PRCD: variants seen among roughly 807,000 people sequenced by gnomAD.
The protein encoded by PRCD is photoreceptor disc component.
In PRCD, 12 loss-of-function variants were observed where a neutral mutation model predicts 10.1. The ratio of observed to expected loss-of-function variants is 1.18; its 90% confidence interval spans 0.76 to 1.92. The LOEUF (loss-of-function observed/expected upper bound fraction) is 1.92, where lower values mean the gene tolerates loss of function less well. Among genes scored for constraint, PRCD ranks in the 40% most tolerant of loss-of-function variants. The pLI is 0.00. For synonymous variants in PRCD, 31 were observed against 26.2 expected (o/e 1.18, Z -0.56); for missense variants, 61 against 72.2 (o/e 0.84, Z 0.56).
Position 76,540,091 on chromosome 17 carries a change from G to A in PRCD, c.-51G>A, listed in dbSNP as rs1344720387. On this transcript the variant is annotated 5_prime_UTR_variant, in exon 1 of 5. Coordinates refer to ENST00000592014, the MANE Select transcript of PRCD (RefSeq NM_001077620.3). This position sits in a 1 kb window ranked among gnomAD's most constrained non-coding sequence, Gnocchi z 5.0. ...CTGGCTGGGGCCATTTTGGCCCCTC[G>A]CCTGTGGCCTTCTGCAGACTTGGCC... 1.9e-5 allele frequency: 29 copies of A among 1,561,048 alleles called. No homozygotes were observed. The highest frequency in any genetic ancestry group is 3.8e-5 in the Admixed American group (2 of 52,884).
Position 76,540,476 on chromosome 17 carries a change from C to T in PRCD, c.75-29C>T, listed in dbSNP as rs769046801. ...AGTGAGGGGCTGGGCACAGCCATAG[C>T]TCTTCCTCCCTACTCTTGCCTCCCA... is the stretch of plus-strand genomic sequence containing the variant. On this transcript the variant is annotated intron_variant, in intron 1 of 4. Transcript: ENST00000592014. This position sits in a 1 kb window ranked among gnomAD's most constrained non-coding sequence, Gnocchi z 5.0. 30 of 1,611,640 alleles carry T rather than the reference C, an allele frequency of 1.9e-5. No individual in the cohort carries two copies. The Admixed American group carries it at 4.8e-4, about 26-fold the overall frequency.
At chr17:76,542,778 T>C (rs2075007288) in intron 3 of PRCD, 145 bp downstream of exon 3, 2 of 672,770 alleles carry the variant, frequency 3.0e-6, no homozygotes, top group Non-Finnish European at 5.4e-6. Context: ...GCGGATGGAC[T>C]CATGCCTTTG....
rs2075025002 is a variant in PRCD, at chr17:76,544,073, T to C, written c.*423T>C. 1 of 454,650 alleles carries C rather than the reference T, an allele frequency of 2.2e-6. No individual in the cohort carries two copies. Among genetic ancestry groups the C allele is most frequent in the Non-Finnish European group, 4.4e-6 (1 of 226,960 alleles). 28.2% of individuals were successfully genotyped at this position (454,650 alleles called of 1,614,324 possible). On this transcript the variant is annotated 3_prime_UTR_variant, in exon 5 of 5. Coordinates refer to ENST00000592014, the MANE Select transcript of PRCD (RefSeq NM_001077620.3). ...CCCAGCTGCTCTGCCATTTCTCTCT[T>C]TTCAATCCTGCATGATCCTGAGCAG...
chr17:76,539,910 GT>G, upstream of PRCD: 1 of 598,108 alleles, frequency 1.7e-6, no homozygotes, highest in South Asian at 2.0e-5. Context: ...CAATGCCACA[GT>G]GCATGCCTTG....
In PRCD at chr17:76,540,431, G is replaced by T. The variant is rs1460032944; in HGVS notation, c.75-74G>T. The T allele has an allele frequency of 1.3e-5, 20 of 1,529,294 alleles. No individual in the cohort carries two copies. The highest frequency in any genetic ancestry group is 1.6e-5 in the Non-Finnish European group (18 of 1,103,746). 94.7% of individuals were successfully genotyped at this position (1,529,294 alleles called of 1,614,324 possible). On this transcript the variant is annotated intron_variant, in intron 1 of 4. Coordinates refer to ENST00000592014, the MANE Select transcript of PRCD (RefSeq NM_001077620.3). This position sits in a 1 kb window ranked among gnomAD's most constrained non-coding sequence, Gnocchi z 5.0. ...GCCTCTACTCCCATAGCCCAATGCG[G>T]CCTGGACCTGTGGAGGGACAGTGAG...
chr17:76,540,257 G>GGGC lies in PRCD; in HGVS notation c.74+44_74+45insCGG. ...GCTATGGCTGGCGGTTGGTCGGGGG[G>GGGC]GGGGGGCATGGGGCTGGGCTGCCAC... On this transcript the variant is annotated intron_variant, in intron 1 of 4. Transcript: ENST00000592014. This position sits in a 1 kb window ranked among gnomAD's most constrained non-coding sequence, Gnocchi z 5.0. The GGGC allele has an allele frequency of 8.6e-7, 1 of 1,159,348 alleles. No individual in the cohort carries two copies. The allele number at this position is 1,159,348 out of a possible 1,614,324, so 71.8% of individuals were successfully genotyped here.
chr17:76,548,138 CACAG>C (rs1159874956), downstream of PRCD, among the ~76,000 whole-genome samples: 9 of 151,966 alleles, frequency 5.9e-5, no homozygotes, highest in East Asian at 3.9e-4. Context: ...CACATGCATA[CACAG>C]ACATACACAT....
At chr17:76,535,940 C>T (rs995354854), upstream of PRCD, among the ~76,000 whole-genome samples, 4 of 152,212 alleles carry the variant, frequency 2.6e-5, no homozygotes, top group Admixed American at 6.5e-5. Flanking sequence ...GTGTGCCAGA[C>T]GCATGCAAGG....
At chr17:76,539,350 G>C (rs2074959936), upstream of PRCD, among the ~76,000 whole-genome samples, 2 of 152,224 alleles carry the variant, frequency 1.3e-5, no homozygotes, top group Non-Finnish European at 2.9e-5. Context: ...ATAGTCGTAT[G>C]GTGTAGGAAT....
At chr17:76,537,400 C>G (rs1161498848), upstream of PRCD, 1 of 1,591,430 alleles carries the variant, frequency 6.3e-7, no homozygotes, top group Non-Finnish European at 8.5e-7. Context: ...CGACACCTAC[C>G]TCACCAGGAT....
rs1247011834 is a variant in PRCD at position 76,531,618 on chromosome 17, C to T, written n.45+3785C>T. 10 of 1,613,454 alleles carry T rather than the reference C, an allele frequency of 6.2e-6. No individual in the cohort carries two copies. Among genetic ancestry groups the T allele is most frequent in the East Asian group, 2.2e-5 (1 of 44,846 alleles). On this transcript the variant is annotated intron_variant and non_coding_transcript_variant, in intron 1 of 4. Coordinates refer to the PRCD transcript ENST00000397633. This position sits in a 1 kb window ranked among gnomAD's most constrained non-coding sequence, Gnocchi z 7.4. ...TGCTTCCGCAGCTGGGGGCTCCGCT[C>T]CATCTCCAGGGGATCCTCCATGTGC...
Position 76,531,459 on chromosome 17 carries a change from C to T in PRCD, n.45+3626C>T. 1 of 1,605,040 alleles carries T rather than the reference C, an allele frequency of 6.2e-7. No homozygotes were observed. The highest frequency in any genetic ancestry group is 8.5e-7 in the Non-Finnish European group (1 of 1,172,422). ...GCTCTGCAGCAGATGGGGGCGCATACCTTGAAGTACACCGGTTCCACCTTG... is the reference window on the plus strand; with the variant it reads ...GCTCTGCAGCAGATGGGGGCGCATATCTTGAAGTACACCGGTTCCACCTTG... On this transcript the variant is annotated intron_variant and non_coding_transcript_variant, in intron 1 of 4. Transcript: ENST00000397633. This position sits in a 1 kb window ranked among gnomAD's most constrained non-coding sequence, Gnocchi z 7.4.
chr17:76,537,283 G>GCCCCATTC (rs2074927954), upstream of PRCD: 1 of 1,200,362 alleles, frequency 8.3e-7, no homozygotes, highest in Admixed American at 4.1e-5. Context: ...CCTCGGACCG[G>GCCCCATTC]CCCCATTCGC....
At chr17:76,549,244 G>A (rs141986678), downstream of PRCD, among the ~76,000 whole-genome samples, 11 of 152,300 alleles carry the variant, frequency 7.2e-5, no homozygotes, top group South Asian at 2.1e-4. Context: ...TTTACAATTC[G>A]ATAATAAGAT....
chr17:76,544,228 C>G lies in PRCD; in HGVS notation c.*578C>G, dbSNP rs756335948. 1.9e-4 allele frequency: 86 copies of G among 454,422 alleles called. 1 individual carries two copies. Among genetic ancestry groups the G allele is most frequent in the Middle Eastern group, 6.8e-4 (1 of 1,466 alleles). 28.1% of individuals were successfully genotyped at this position (454,422 alleles called of 1,614,324 possible). A position where few individuals can be genotyped will look rare whatever the true frequency, so the allele number is the denominator to read the frequency against. Reference sequence around the variant, plus strand: ...CTCTGTGCACACGCGTCTCTCCTCCCCAGCCAGCCCCCCTCCCAGCCCAGC... The same window carrying G: ...CTCTGTGCACACGCGTCTCTCCTCCGCAGCCAGCCCCCCTCCCAGCCCAGC... On this transcript the variant is annotated 3_prime_UTR_variant, in exon 5 of 5. Transcript: ENST00000592014.
rs1319012170 is a variant in PRCD at position 76,533,452 on chromosome 17, C to T, written n.45+5619C>T. Among the ~76,000 whole-genome samples the T allele has an allele frequency of 6.6e-6, 1 of 152,320 alleles. No individual in the cohort carries two copies. The highest frequency in any genetic ancestry group is 1.5e-5 in the Non-Finnish European group (1 of 68,036). On this transcript the variant is annotated intron_variant and non_coding_transcript_variant, in intron 1 of 4. Transcript: ENST00000397633. This position sits in a 1 kb window ranked among gnomAD's most constrained non-coding sequence, Gnocchi z 4.5. ...TAAAAAATAATGATATGGCCGGGCACGGTGGCTCACGCCTATAATCCTAGC... is the reference window on the plus strand; with the variant it reads ...TAAAAAATAATGATATGGCCGGGCATGGTGGCTCACGCCTATAATCCTAGC...
Position 76,533,680 on chromosome 17 carries a change from G to C in PRCD, n.45+5847G>C, listed in dbSNP as rs2143098264. On this transcript the variant is annotated intron_variant and non_coding_transcript_variant, in intron 1 of 4. Transcript: ENST00000397633. The surrounding 1 kb of genome is among the most constrained non-coding windows in gnomAD (Gnocchi z 4.5). ...CAAGGCTGCAGGGAGCCAAGATTGT[G>C]CCATTGCACTCCAGCCTGGGTGACA... is the stretch of plus-strand genomic sequence containing the variant. 1.3e-5 allele frequency among the ~76,000 whole-genome samples: 2 copies of C among 152,122 alleles called. No homozygotes were observed. Among genetic ancestry groups the C allele is most frequent in the Middle Eastern group, 6.8e-3 (2 of 294 alleles).
At chr17:76,546,304 C>T (rs896510699), downstream of PRCD, 5 of 152,234 alleles carry the variant, frequency 3.3e-5, no homozygotes, top group African/African-American at 1.2e-4. The surrounding 1 kb of genome is among the most constrained non-coding windows in gnomAD (Gnocchi z 4.5). Context: ...GGAGCATGAC[C>T]AGGGAACTAA....
In PRCD at chr17:76,540,250, TCGGGGGG is replaced by T; in HGVS notation, c.74+36_74+42del. 11 of 463,674 alleles carry T rather than the reference TCGGGGGG, an allele frequency of 2.4e-5. 1 individual carries two copies. The highest frequency in any genetic ancestry group is 4.0e-5 in the Non-Finnish European group (11 of 276,410). The allele number at this position is 463,674 out of a possible 1,614,324, so 28.7% of individuals were successfully genotyped here. A position where few individuals can be genotyped will look rare whatever the true frequency, so the allele number is the denominator to read the frequency against. Reference sequence around the variant, plus strand: ...TGACCGGGCTATGGCTGGCGGTTGGTCGGGGGGGGGGGGCATGGGGCTGGGCTGCCAC... The same window carrying T: ...TGACCGGGCTATGGCTGGCGGTTGGTGGGGGGCATGGGGCTGGGCTGCCAC... On this transcript the variant is annotated intron_variant, in intron 1 of 4. Transcript: ENST00000592014. This position sits in a 1 kb window ranked among gnomAD's most constrained non-coding sequence, Gnocchi z 5.0.
Sources: allele counts gnomAD v4.1 joint callset (sites outside exome capture counted in the v4.1 genomes callset), GRCh38; gene constraint gnomAD v4.1.1; non-coding constraint Gnocchi (gnomAD v3.1); transcripts MANE v1.5; gene names NCBI Gene and HGNC (gene_info 2026-07-23, HGNC 2026-07-21).